Variants in EFHC1 observed in about 807,000 individuals in gnomAD.
The protein encoded by EFHC1 is EF-hand domain-containing protein 1.
A neutral mutation model predicts 69.9 loss-of-function variants in EFHC1; 53 were observed. That is an observed-to-expected ratio of 0.76 (90% CI 0.61 to 0.95). The LOEUF is 0.95. Among genes scored for constraint, EFHC1 ranks in the 40% least tolerant of loss-of-function variants. The probability of loss-of-function intolerance (pLI) is 0.00; values close to 1 mark genes in which losing one functional copy is unlikely to be tolerated. For missense variants in EFHC1, 739 were observed against 798.7 expected, an observed-to-expected ratio of 0.93 and a Z score of 0.90; for synonymous variants, 256 against 278.4, an observed-to-expected ratio of 0.92 and a Z score of 0.80.
chr6:52,464,706 C>T (rs112526461), intron 5 of EFHC1, among the ~76,000 whole-genome samples, 189 bp from the exon 6 acceptor site: 3 of 152,168 alleles, frequency 2.0e-5, no homozygotes, highest in Admixed American at 6.5e-5. Context: ...GTATTATGTA[C>T]GTGTCGTATC....
chr6:52,479,595 T>A lies in EFHC1; in HGVS notation c.1493-45T>A, dbSNP rs185505857. 1.7e-4 allele frequency: 271 copies of A among 1,613,948 alleles called. No homozygotes were observed. In the East Asian group the frequency reaches 5.5e-3, roughly 33 times the overall value. On this transcript the variant is annotated intron_variant, in intron 8 of 10. Transcript: ENST00000371068. The stretch of plus-strand genomic sequence containing the variant: ...TAATACTATTTTACTCCTGATTGCG[T>A]GAGAGAACATCACCAAGCTAAGTGT...
chr6:52,422,013 T>C (rs1265838789), intron 1 of EFHC1, among the ~76,000 whole-genome samples: 1 of 152,228 alleles, frequency 6.6e-6, no homozygotes, highest in Non-Finnish European at 1.5e-5. Flanking sequence ...CAATTTGCCC[T>C]ATTTGAAATT....
intron 2 of EFHC1, among the ~76,000 whole-genome samples, chr6:52,427,249 C>A (rs1764319672): frequency 1.3e-5 from 2 of 152,192 alleles, no homozygotes; most frequent in Admixed American, 1.3e-4. Context: ...CTATAAAGAT[C>A]CAACTCTACA....
At chr6:52,486,653 T>G (rs1319918071) in intron 9 of EFHC1, 2 of 152,240 alleles carry the variant, frequency 1.3e-5, no homozygotes. Flanking sequence ...AATGTGGGCT[T>G]CATCAGTTTT....
chr6:52,471,709 A>C (rs1310583707), intron 7 of EFHC1, among the ~76,000 whole-genome samples: 1 of 152,030 alleles, frequency 6.6e-6, no homozygotes, highest in African/African-American at 2.4e-5. Context: ...CTACTAAAAA[A>C]ATACAAAAAT....
At position 52,438,333 on chromosome 6, in the gene EFHC1, A is replaced by G. The variant is rs1180939649; in HGVS notation, c.315A>G (p.Glu105=). The G allele has an allele frequency of 2.5e-6, 4 of 1,613,688 alleles. No homozygotes were observed. In the South Asian group the frequency reaches 3.3e-5, roughly 13 times the overall value. Residue 105 remains glutamate (E), a synonymous_variant, in exon 3 of 11, where the codon GAA becomes GAG. Transcript: ENST00000371068. The part of the protein sequence containing the change: ...KVLKFDAYFQ[E]DVPMSTEEQY... ...TGAAATTTGATGCCTATTTCCAAGA[A>G]GATGTTCCTATGTCAACTGAGGAAC...
chr6:52,463,970 C>G (rs1765235164), intron 5 of EFHC1, among the ~76,000 whole-genome samples: 1 of 152,166 alleles, frequency 6.6e-6, no homozygotes, highest in Admixed American at 6.5e-5. Context: ...AGAAACTTAG[C>G]CTTATTCCAG....
At chr6:52,451,769 G>A (rs766963174) in intron 3 of EFHC1, among the ~76,000 whole-genome samples, 1 of 152,218 alleles carries the variant, frequency 6.6e-6, no homozygotes, top group Non-Finnish European at 1.5e-5. Context: ...TTTCAGGAAT[G>A]TCTGGTGAAA....
intron 7 of EFHC1, among the ~76,000 whole-genome samples, chr6:52,473,502 C>G (rs780268302): frequency 6.6e-6 from 1 of 152,098 alleles, no homozygotes; most frequent in Non-Finnish European, 1.5e-5. Context: ...GATAAATGAC[C>G]GGGCACGGTG....
At chr6:52,490,382 C>A in intron 10 of EFHC1, 32 bp downstream of exon 10, 1 of 1,578,760 alleles carries the variant, frequency 6.3e-7, no homozygotes, top group Non-Finnish European at 8.7e-7. Flanking sequence ...GAGTTCATTG[C>A]AGAGGCTAGG....
chr6:52,428,108 A>G (rs981080376), intron 2 of EFHC1: 2 of 152,216 alleles, frequency 1.3e-5, no homozygotes, highest in Non-Finnish European at 2.9e-5. Flanking sequence ...GTATTTAAAT[A>G]TAATTTTTCT....
At chr6:52,481,213 G>T (rs1581848491) in intron 9 of EFHC1, among the ~76,000 whole-genome samples, 1 of 152,118 alleles carries the variant, frequency 6.6e-6, no homozygotes, top group South Asian at 2.1e-4. Flanking sequence ...GAGGGGAAAA[G>T]AATAATTAAG....
intron 3 of EFHC1, among the ~76,000 whole-genome samples, chr6:52,443,383 A>G (rs189167905): frequency 6.6e-6 from 1 of 152,308 alleles, no homozygotes; most frequent in Admixed American, 6.5e-5. Context: ...CCTGAATGGT[A>G]TTACCTAGGT....
At chr6:52,464,487 T>G (rs1201641303) in intron 5 of EFHC1, among the ~76,000 whole-genome samples, 1 of 152,236 alleles carries the variant, frequency 6.6e-6, no homozygotes, top group Admixed American at 6.5e-5. Flanking sequence ...ATGATATAGA[T>G]GGTCACTAGT....
At position 52,493,074 on chromosome 6, in the gene EFHC1, C is replaced by A. The variant is rs1342726445; in HGVS notation, c.*733C>A. On this transcript the variant is annotated 3_prime_UTR_variant, in exon 11 of 11. Coordinates refer to ENST00000371068, the MANE Select transcript of EFHC1 (RefSeq NM_018100.4). Reference sequence around the variant, plus strand: ...GAGTAGAATAAAAAGGCTGACCTTTCCCCAGGTAAGAGAATTCCTCCTGCC... The same window carrying A: ...GAGTAGAATAAAAAGGCTGACCTTTACCCAGGTAAGAGAATTCCTCCTGCC... 1 of 454,034 alleles carries A rather than the reference C, an allele frequency of 2.2e-6. No individual in the cohort carries two copies. The highest frequency in any genetic ancestry group is 1.6e-5 in the South Asian group (1 of 64,472). 28.1% of individuals were successfully genotyped at this position (454,034 alleles called of 1,614,324 possible).
At position 52,492,743 on chromosome 6, in the gene EFHC1, T is replaced by C. The variant is rs1317039887; in HGVS notation, c.*402T>C. On this transcript the variant is annotated 3_prime_UTR_variant, in exon 11 of 11. Coordinates refer to ENST00000371068, the MANE Select transcript of EFHC1 (RefSeq NM_018100.4). ...GATCCTCCCACTTCAACCTCCCCAGTAGCTGGGACAACAGGCTCAAGCCAC... is the reference window on the plus strand; with the variant it reads ...GATCCTCCCACTTCAACCTCCCCAGCAGCTGGGACAACAGGCTCAAGCCAC... The C allele has an allele frequency of 2.3e-6, 1 of 444,300 alleles. No homozygotes were observed. Among genetic ancestry groups the C allele is most frequent in the Non-Finnish European group, 4.5e-6 (1 of 222,654 alleles). The allele number at this position is 444,300 out of a possible 1,614,324, so 27.5% of individuals were successfully genotyped here.
chr6:52,466,561 A>T (rs1213756005), intron 6 of EFHC1, among the ~76,000 whole-genome samples: 2 of 152,156 alleles, frequency 1.3e-5, no homozygotes, highest in Non-Finnish European at 2.9e-5. Flanking sequence ...ATATTAAATT[A>T]TCTGCTAGTG....
intron 5 of EFHC1, among the ~76,000 whole-genome samples, chr6:52,457,378 C>T (rs1765066365): frequency 6.6e-6 from 1 of 152,080 alleles, no homozygotes; most frequent in Non-Finnish European, 1.5e-5. Context: ...GAACAAAGAG[C>T]TCACTAGAAA....
intron 4 of EFHC1, 36 bp from the exon 5 acceptor site, chr6:52,454,059 T>C: frequency 6.2e-7 from 1 of 1,611,740 alleles, no homozygotes; most frequent in Non-Finnish European, 8.5e-7. Context: ...TCCCTACTTT[T>C]AGGATTCTTG....
Sources: gnomAD v4.1 joint callset for allele counts (sites outside exome capture counted in the v4.1 genomes callset) on GRCh38, gnomAD v4.1.1 for gene constraint, MANE v1.5 for transcripts, NCBI Gene and HGNC (gene_info 2026-07-23, HGNC 2026-07-21) for gene names.